SDK2: variants seen among roughly 807,000 people sequenced by gnomAD.
The protein encoded by SDK2 is sidekick cell adhesion molecule 2.
A neutral mutation model predicts 253.9 loss-of-function variants in SDK2; 105 were observed. The observed-to-expected ratio is 0.41, with a 90% CI of 0.35 to 0.49. The LOEUF is 0.49. Among genes scored for constraint, SDK2 ranks in the 20% least tolerant of loss-of-function variants. The pLI, the probability that SDK2 is intolerant of heterozygous loss-of-function variation, is 0.06. For missense variants in SDK2, 2,608 were observed against 3,003.0 expected (o/e 0.87, Z 3.07); for synonymous variants, 1,249 against 1,234.9 (o/e 1.01, Z -0.24).
At chr17:73,542,284 C>T (rs1303128014) in intron 1 of SDK2, among the ~76,000 whole-genome samples, 1 of 152,228 alleles carries the variant, frequency 6.6e-6, no homozygotes, top group East Asian at 1.9e-4. Context: ...TTGTGACTTG[C>T]CTGACAGCAG....
chr17:73,440,980 G>A (rs2063411243), intron 5 of SDK2, 57 bp from the exon 6 acceptor site: 1 of 1,311,664 alleles, frequency 7.6e-7, no homozygotes, highest in Non-Finnish European at 1.1e-6. Flanking sequence ...TCCCTGCCCA[G>A]CCTCATTAGA....
intron 1 of SDK2, among the ~76,000 whole-genome samples, chr17:73,559,588 C>A: frequency 6.9e-6 from 1 of 145,060 alleles, no homozygotes; most frequent in African/African-American, 2.6e-5. Flanking sequence ...CTCCCCACTC[C>A]GCTCCCTGTG....
At chr17:73,584,567 G>A (rs1030465268) in intron 1 of SDK2, among the ~76,000 whole-genome samples, 3 of 152,220 alleles carry the variant, frequency 2.0e-5, no homozygotes, top group African/African-American at 7.2e-5. Context: ...CCCCTAGCAC[G>A]TACCCAGGGA....
At position 73,447,400 on chromosome 17, in the gene SDK2, A is replaced by C. The variant is rs1384114059; in HGVS notation, c.613+215T>G. Among the ~76,000 whole-genome samples, 2 of 152,010 alleles carry C rather than the reference A, an allele frequency of 1.3e-5. No homozygotes were observed. The highest frequency in any genetic ancestry group is 4.8e-5 in the African/African-American group (2 of 41,370). On this transcript the variant is annotated intron_variant, in intron 5 of 44. Transcript: ENST00000392650. The surrounding 1 kb of genome is among the most constrained non-coding windows in gnomAD (Gnocchi z 4.0). ...ACCGATGCAGGATCTCAGGCGTGTCATGGGAACGGGCTCCAGCGTTCAGCT... is the reference window on the plus strand; with the variant it reads ...ACCGATGCAGGATCTCAGGCGTGTCCTGGGAACGGGCTCCAGCGTTCAGCT...
chr17:73,567,645 C>T (rs1240703469), intron 1 of SDK2, among the ~76,000 whole-genome samples: 2 of 152,240 alleles, frequency 1.3e-5, no homozygotes, highest in African/African-American at 2.4e-5. Context: ...GGTGGAGCTG[C>T]CCAGGCCTTG....
intron 17 of SDK2, among the ~76,000 whole-genome samples, chr17:73,415,195 C>T (rs888371214): frequency 6.6e-6 from 1 of 152,114 alleles, no homozygotes; most frequent in African/African-American, 2.4e-5. Flanking sequence ...GGTGGTGATT[C>T]CAGCCCCAGG....
In SDK2 at chr17:73,629,930, C is replaced by G. The variant is rs1395374792; in HGVS notation, c.64+14095G>C. Among the ~76,000 whole-genome samples the G allele has an allele frequency of 6.6e-6, 1 of 152,064 alleles. No homozygotes were observed. The highest frequency in any genetic ancestry group is 1.5e-5 in the Non-Finnish European group (1 of 68,020). ...GATTTTCTTTCCTTTTCTTTTAAGT[C>G]AGGACAGGAGGGGCAAGAGCCTCCT... On this transcript the variant is annotated intron_variant, in intron 1 of 44. Transcript: ENST00000392650. This position sits in a 1 kb window ranked among gnomAD's most constrained non-coding sequence, Gnocchi z 5.0.
In SDK2 at chr17:73,643,564, C is replaced by T. The variant is rs1325765837; in HGVS notation, c.64+461G>A. 1.3e-5 allele frequency among the ~76,000 whole-genome samples: 2 copies of T among 152,134 alleles called. No homozygotes were observed. Among genetic ancestry groups the T allele is most frequent in the Non-Finnish European group, 2.9e-5 (2 of 67,994 alleles). ...ACCCGGCATCCAGCGCTCGCCCACC[C>T]CACTCCCTCGCCCCGGGGAGGCCAT... On this transcript the variant is annotated intron_variant, in intron 1 of 44. Transcript: ENST00000392650. The surrounding 1 kb of genome is among the most constrained non-coding windows in gnomAD (Gnocchi z 6.9).
chr17:73,394,289 C>T lies in SDK2; in HGVS notation c.3628G>A (p.Ala1210Thr). 6.2e-7 allele frequency: 1 copy of T among 1,600,154 alleles called. No individual in the cohort carries two copies. The highest frequency in any genetic ancestry group is 8.5e-7 in the Non-Finnish European group (1 of 1,171,530). The stretch of plus-strand genomic sequence containing the variant: ...ACCAGCATGCTGCTGGAGGTGGTGG[C>T]CAGTGCAGACACATTGGTGGGGCCG... ...SSGPTNVSALATTSSSMLVRW... is the reference protein window; with the variant it reads ...SSGPTNVSALTTTSSSMLVRW... The change falls in exon 26 of 45, where the codon GCC (alanine) becomes ACC (threonine). Residue 1210 changes from alanine to threonine, a missense_variant. Physicochemically the swap from Ala to Thr is moderately conservative, Grantham distance 58. This residue lies in a region of SDK2 where 1,505 missense variants were observed against 1,859.1 expected (regional missense o/e 0.81). Transcript: ENST00000392650.
In SDK2 at chr17:73,612,211, AGCTGCACCCGG is replaced by A. The variant is rs1468475508; in HGVS notation, c.64+31803_64+31813del. Among the ~76,000 whole-genome samples the A allele has an allele frequency of 6.6e-6, 1 of 152,222 alleles. No individual in the cohort carries two copies. Among genetic ancestry groups the A allele is most frequent in the Non-Finnish European group, 1.5e-5 (1 of 68,024 alleles). On this transcript the variant is annotated intron_variant, in intron 1 of 44. Transcript: ENST00000392650. The surrounding 1 kb of genome is among the most constrained non-coding windows in gnomAD (Gnocchi z 4.4). ...TGCAAGTACACCACAGTGGTGGCCC[AGCTGCACCCGG>A]GCTGCAGGCCGGCCCCCCACGGTCC...
At chr17:73,538,443 G>A (rs1189270056) in intron 1 of SDK2, among the ~76,000 whole-genome samples, 1 of 152,226 alleles carries the variant, frequency 6.6e-6, no homozygotes, top group Non-Finnish European at 1.5e-5. Flanking sequence ...AACCCACCAT[G>A]TGATGCTGGG....
chr17:73,620,148 GTGTC>G (rs2046115191), intron 1 of SDK2, among the ~76,000 whole-genome samples: 1 of 150,656 alleles, frequency 6.6e-6, no homozygotes, highest in African/African-American at 2.5e-5. Flanking sequence ...GCAGTGAACT[GTGTC>G]TGTACCTCTG....
rs1464633442 is a variant in SDK2 at position 73,379,717 on chromosome 17, G to T, written c.4763-168C>A. Among the ~76,000 whole-genome samples the T allele has an allele frequency of 6.6e-6, 1 of 152,088 alleles. No homozygotes were observed. The highest frequency in any genetic ancestry group is 1.5e-5 in the Non-Finnish European group (1 of 67,990). On this transcript the variant is annotated intron_variant, in intron 34 of 44. Coordinates refer to ENST00000392650, the MANE Select transcript of SDK2 (RefSeq NM_001144952.2). The surrounding 1 kb of genome is among the most constrained non-coding windows in gnomAD (Gnocchi z 4.5). ...GGAGGTGAGAGGCGGGGCCCCCAGG[G>T]GACGCTCTGTGCCAATCTGGACATA... is the stretch of plus-strand genomic sequence containing the variant.
chr17:73,632,881 C>G (rs568763006), intron 1 of SDK2, among the ~76,000 whole-genome samples: 1 of 152,086 alleles, frequency 6.6e-6, no homozygotes, highest in Non-Finnish European at 1.5e-5. Flanking sequence ...GCCATGGGGA[C>G]GACAAGCCAC....
chr17:73,400,925 G>T, intron 21 of SDK2, 95 bp downstream of exon 21: 1 of 1,251,890 alleles, frequency 8.0e-7, no homozygotes, highest in Non-Finnish European at 1.1e-6. Flanking sequence ...TGGGACTACA[G>T]GCATGAGCCA....
At chr17:73,588,209 C>T (rs1015880142) in intron 1 of SDK2, among the ~76,000 whole-genome samples, 3 of 136,984 alleles carry the variant, frequency 2.2e-5, no homozygotes, top group Non-Finnish European at 3.1e-5. Context: ...CCCCCCCCCT[C>T]CCCCGCCATC....
intron 1 of SDK2, among the ~76,000 whole-genome samples, chr17:73,626,650 G>A (rs1403546619): frequency 6.6e-6 from 1 of 152,232 alleles, no homozygotes; most frequent in Non-Finnish European, 1.5e-5. Context: ...CCTGTGCCCA[G>A]AAGACAGGTG....
chr17:73,438,240 G>T (rs1892181575), intron 6 of SDK2, 86 bp from the exon 7 acceptor site: 1 of 1,315,898 alleles, frequency 7.6e-7, no homozygotes, highest in Non-Finnish European at 1.0e-6. Context: ...AAGGAGTGTG[G>T]GCTTGGGAGC....
chr17:73,484,749 G>T (rs1045929804), intron 2 of SDK2, among the ~76,000 whole-genome samples: 1 of 152,204 alleles, frequency 6.6e-6, no homozygotes, highest in South Asian at 2.1e-4. Flanking sequence ...TCCTTGGCTT[G>T]CAGCCACATC....
Sources: allele counts gnomAD v4.1 joint callset (sites outside exome capture counted in the v4.1 genomes callset), GRCh38; gene constraint gnomAD v4.1.1; regional missense constraint gnomAD v4.1.1; non-coding constraint Gnocchi (gnomAD v3.1); transcripts MANE v1.5; gene names NCBI Gene and HGNC (gene_info 2026-07-23, HGNC 2026-07-21).